NUP93: variants seen among roughly 807,000 people sequenced by gnomAD.
NUP93 encodes the protein nuclear pore complex protein Nup93.
Under a neutral mutation model 107.8 loss-of-function variants are expected in NUP93, and 55 were observed. That is an observed-to-expected ratio of 0.51 (90% confidence interval 0.41 to 0.64). The LOEUF is 0.64. Among genes scored for constraint, NUP93 ranks in the 30% least tolerant of loss-of-function variants. The pLI is 0.00. For synonymous variants in NUP93, 390 were observed against 397.5 expected, an observed-to-expected ratio of 0.98 and a Z score of 0.22; for missense variants, 937 against 1,044.7, an observed-to-expected ratio of 0.90 and a Z score of 1.42.
intron 4 of NUP93, among the ~76,000 whole-genome samples, chr16:56,803,944 G>A (rs542798255): frequency 6.6e-6 from 1 of 152,138 alleles, no homozygotes; most frequent in South Asian, 2.1e-4. Context: ...TAGTAATAGG[G>A]TTTTGCCATG....
intron 12 of NUP93, among the ~76,000 whole-genome samples, chr16:56,832,737 C>G (rs1200418686): frequency 6.6e-6 from 1 of 152,162 alleles, no homozygotes; most frequent in Non-Finnish European, 1.5e-5. Context: ...AGAGAAACAG[C>G]CTTTCTTCTT....
At chr16:56,782,540 T>G (rs559059533) in intron 3 of NUP93, 25 of 152,348 alleles carry the variant, frequency 1.6e-4, no homozygotes, top group African/African-American at 6.0e-4. Context: ...TTTAGGATTT[T>G]TAAAGGAGAT....
chr16:56,781,360 C>T (rs1169516168), intron 3 of NUP93, among the ~76,000 whole-genome samples: 3 of 152,068 alleles, frequency 2.0e-5, no homozygotes, highest in African/African-American at 4.8e-5. Context: ...TTTAAGATGG[C>T]GAATTTACTG....
intron 10 of NUP93, 53 bp downstream of exon 10, chr16:56,830,738 C>T (rs547759192): frequency 2.1e-6 from 3 of 1,406,104 alleles, no homozygotes; most frequent in Non-Finnish European, 2.8e-6. Flanking sequence ...ATCAAAGGGG[C>T]ATCCTTCACT....
At chr16:56,790,747 G>A (rs1293666462) in intron 3 of NUP93, among the ~76,000 whole-genome samples, 1 of 152,096 alleles carries the variant, frequency 6.6e-6, no homozygotes, top group Non-Finnish European at 1.5e-5. Context: ...CTTAGAATGT[G>A]GATACTTCTC....
rs758032227 is a variant in NUP93, at chr16:56,844,666, G to C, written c.*57G>C. On this transcript the variant is annotated 3_prime_UTR_variant, in exon 22 of 22. Transcript: ENST00000308159. The stretch of plus-strand genomic sequence containing the variant: ...CACTGTCAGTACATCAGGCACATGG[G>C]CCCACTAGGCTGGGGTTTCTGGTTT... 2 of 1,068,770 alleles carry C rather than the reference G, an allele frequency of 1.9e-6. No individual in the cohort carries two copies. The highest frequency in any genetic ancestry group is 4.7e-5 in the Admixed American group (2 of 42,760). 66.2% of individuals were successfully genotyped at this position (1,068,770 alleles called of 1,614,324 possible).
At chr16:56,781,258 A>G (rs2144519347) in intron 3 of NUP93, among the ~76,000 whole-genome samples, 1 of 152,330 alleles carries the variant, frequency 6.6e-6, no homozygotes, top group East Asian at 1.9e-4. Context: ...TATTCCTGAA[A>G]TGCAAATAAC....
rs5817076 is a variant in NUP93, at chr16:56,795,630, ATATTTT to A, written c.298-2814_298-2809del. Among the ~76,000 whole-genome samples the A allele has an allele frequency of 5.4e-3, 798 of 147,240 alleles. 6 individuals are homozygous for A. The highest frequency in any genetic ancestry group is 0.017 in the African/African-American group (684 of 39,432). On this transcript the variant is annotated intron_variant, in intron 3 of 21. Coordinates refer to ENST00000308159, the MANE Select transcript of NUP93 (RefSeq NM_014669.5). ...CTGCCTGAGAGGCTGTGCTGGAGGA[ATATTTT>A]TATTTTTATTTTTATTTTTATTTTT...
intron 9 of NUP93, 124 bp downstream of exon 9, chr16:56,829,233 T>C (rs1963731581): frequency 2.5e-6 from 3 of 1,223,182 alleles, no homozygotes; most frequent in South Asian, 1.5e-5. Flanking sequence ...CAGAGAGGGG[T>C]GAGGACAGAA....
intron 2 of NUP93, among the ~76,000 whole-genome samples, chr16:56,750,939 G>T (rs187559404): frequency 6.6e-6 from 1 of 151,984 alleles, no homozygotes; most frequent in African/African-American, 2.4e-5. Flanking sequence ...CAGATGAATC[G>T]CTTGAACTCA....
In NUP93 at chr16:56,844,536, C is replaced by A; in HGVS notation, c.2387C>A (p.Ala796Asp). 6.5e-7 allele frequency: 1 copy of A among 1,547,616 alleles called. No homozygotes were observed. Among genetic ancestry groups the A allele is most frequent in the Admixed American group, 2.0e-5 (1 of 49,982 alleles). The change falls in exon 22 of 22, where the codon GCT becomes GAT. Residue 796 changes from alanine to aspartate, a missense_variant. Coordinates refer to ENST00000308159, the MANE Select transcript of NUP93 (RefSeq NM_014669.5). ...RSQARTLITF[A>D]GMIPYRTSGD... ...CAAGCCCGCACTCTGATTACCTTTGCTGGAATGATACCATACCGAACGTCT... is the reference window on the plus strand; with the variant it reads ...CAAGCCCGCACTCTGATTACCTTTGATGGAATGATACCATACCGAACGTCT...
At chr16:56,789,432 A>C (rs1167259169) in intron 3 of NUP93, among the ~76,000 whole-genome samples, 1 of 152,260 alleles carries the variant, frequency 6.6e-6, no homozygotes, top group African/African-American at 2.4e-5. Flanking sequence ...GCCCAATAGC[A>C]GAAACCATGT....
intron 1 of NUP93, among the ~76,000 whole-genome samples, chr16:56,742,365 A>G (rs780231439): frequency 6.6e-6 from 1 of 152,230 alleles, no homozygotes; most frequent in Non-Finnish European, 1.5e-5. Flanking sequence ...TGCCAAATAA[A>G]CTAAGAAGGG....
At chr16:56,803,174 T>C (rs1596816662) in intron 4 of NUP93, among the ~76,000 whole-genome samples, 1 of 152,252 alleles carries the variant, frequency 6.6e-6, no homozygotes, top group Middle Eastern at 3.4e-3. Flanking sequence ...ATCAAATCAC[T>C]GGGGCCTAGT....
chr16:56,751,163 GGCAA>G (rs1368614473), intron 2 of NUP93, among the ~76,000 whole-genome samples: 1 of 151,810 alleles, frequency 6.6e-6, no homozygotes, highest in Non-Finnish European at 1.5e-5. Context: ...ACTGAAATCA[GGCAA>G]GCTAGATGTG....
intron 1 of NUP93, among the ~76,000 whole-genome samples, chr16:56,746,929 A>G (rs1469430719): frequency 6.6e-6 from 1 of 152,210 alleles, no homozygotes; most frequent in Non-Finnish European, 1.5e-5. Flanking sequence ...GAAAAAAAGT[A>G]TAACAAGAGC....
intron 8 of NUP93, among the ~76,000 whole-genome samples, chr16:56,825,078 AG>A (rs1963629246): frequency 6.6e-6 from 1 of 151,538 alleles, no homozygotes; most frequent in South Asian, 2.1e-4. Context: ...TTTTTTTGTA[AG>A]ACAGTCTGGC....
At chr16:56,772,211 G>T (rs1482623306) in intron 3 of NUP93, among the ~76,000 whole-genome samples, 1 of 152,106 alleles carries the variant, frequency 6.6e-6, no homozygotes, top group African/African-American at 2.4e-5. Context: ...TAAAGAACAT[G>T]GTTGGGTAGA....
chr16:56,751,562 A>G (rs570122785), intron 2 of NUP93, among the ~76,000 whole-genome samples: 4 of 152,188 alleles, frequency 2.6e-5, no homozygotes, highest in African/African-American at 9.7e-5. Flanking sequence ...TTTCTGAAGG[A>G]TTGTCACAGG....
Sources: gnomAD v4.1 joint callset for allele counts (sites outside exome capture counted in the v4.1 genomes callset) on GRCh38, gnomAD v4.1.1 for gene constraint, MANE v1.5 for transcripts, NCBI Gene and HGNC (gene_info 2026-07-23, HGNC 2026-07-21) for gene names.